Variants in MYOM1 observed in about 807,000 individuals in gnomAD.
MYOM1 encodes myomesin 1, also known as myomesin-1.
MYOM1 carries 164 observed loss-of-function variants against 205.3 expected under a neutral mutation model. That is an observed-to-expected ratio of 0.80 (90% CI 0.70 to 0.91). The LOEUF (loss-of-function observed/expected upper bound fraction) is 0.91. MYOM1 is among the 40% of genes least tolerant of loss of function. MYOM1 has a pLI of 0.00. For synonymous variants in MYOM1, 772 were observed against 789.4 expected (o/e 0.98, Z 0.37); for missense variants, 2,011 against 2,127.3 (o/e 0.95, Z 1.08).
intron 21 of MYOM1, among the ~76,000 whole-genome samples, chr18:3,113,809 C>A (rs1016234608): frequency 3.3e-5 from 5 of 152,142 alleles, no homozygotes; most frequent in Admixed American, 6.5e-5. Context: ...GTGATAGAGA[C>A]CAATATCCAA....
chr18:3,132,118 G>GTATATA (rs1555621173), intron 16 of MYOM1, among the ~76,000 whole-genome samples: 12,915 of 143,268 alleles, frequency 0.09, 684 homozygotes, highest in East Asian at 0.19. Context: ...ATATGTGTGT[G>GTATATA]TATATATATA....
At chr18:3,088,340 G>A (rs2143701605) in intron 29 of MYOM1, among the ~76,000 whole-genome samples, 1 of 152,306 alleles carries the variant, frequency 6.6e-6, no homozygotes, top group East Asian at 1.9e-4. Flanking sequence ...TTCAGCTGCT[G>A]CCAGAGAAAG....
At chr18:3,234,966 A>G in the MYOM1 span, among the ~76,000 whole-genome samples, 3 of 151,228 alleles carry the variant, frequency 2.0e-5, no homozygotes, top group Non-Finnish European at 4.4e-5. Flanking sequence ...TGGATTGCCC[A>G]GGCTGGTCTC....
intron 33 of MYOM1, among the ~76,000 whole-genome samples, chr18:3,082,063 C>G (rs1227810513): frequency 6.6e-6 from 1 of 152,222 alleles, no homozygotes; most frequent in Non-Finnish European, 1.5e-5. Flanking sequence ...AGCGCACAAC[C>G]TAGATCCCTC....
At chr18:3,081,284 T>C (rs2079083480) in intron 33 of MYOM1, among the ~76,000 whole-genome samples, 1 of 152,204 alleles carries the variant, frequency 6.6e-6, no homozygotes. Flanking sequence ...ATTGGTCCTA[T>C]TTTATATAAG....
intron 36 of MYOM1, 29 bp downstream of exon 36, chr18:3,075,425 T>C: frequency 6.2e-7 from 1 of 1,601,750 alleles, no homozygotes; most frequent in Non-Finnish European, 8.6e-7. Flanking sequence ...CAGGAGTACT[T>C]GTGAAAAGTA....
intron 10 of MYOM1, among the ~76,000 whole-genome samples, chr18:3,156,098 G>C (rs561309687): frequency 5.6e-4 from 85 of 152,312 alleles, no homozygotes; most frequent in African/African-American, 2.0e-3. Context: ...AGGAGGGAGA[G>C]AAGGGGGAAT....
chr18:3,092,835 CTCTT>C (rs1388907602), intron 26 of MYOM1, among the ~76,000 whole-genome samples: 2 of 152,208 alleles, frequency 1.3e-5, no homozygotes, highest in Non-Finnish European at 2.9e-5. Context: ...ACTTCAGACT[CTCTT>C]TCTAAGAAAC....
At chr18:3,190,149 G>A (rs2080883775) in intron 3 of MYOM1, among the ~76,000 whole-genome samples, 1 of 152,318 alleles carries the variant, frequency 6.6e-6, no homozygotes, top group Admixed American at 6.5e-5. Flanking sequence ...TACTGTGGCA[G>A]TTTATGATAG....
At position 3,090,727 on chromosome 18, in the gene MYOM1, C is replaced by T; in HGVS notation, c.3940G>A (p.Gly1314Arg). 6.2e-7 allele frequency: 1 copy of T among 1,613,848 alleles called. No individual in the cohort carries two copies. The highest frequency in any genetic ancestry group is 1.3e-5 in the African/African-American group (1 of 75,004). The change falls in exon 27 of 38, where the codon GGA (glycine) becomes AGA (arginine). Residue 1314 changes from glycine (G) to arginine (R), a missense_variant. Transcript: ENST00000356443. ...FMEKLQDEDE[G>R]TYTFQLQDGK... is the part of the protein sequence containing the mutation. ...TCTTGAAGCTGGAAAGTGTACGTTC[C>T]CTCATCCTCATCCTGTAGCTTTTCC...
At chr18:3,072,032 G>T (rs1263672715) in intron 36 of MYOM1, 143 bp from the exon 37 acceptor site, 3 of 702,930 alleles carry the variant, frequency 4.3e-6, no homozygotes, top group Admixed American at 5.3e-5. Context: ...TGCAAAAAAA[G>T]AAAATGATCC....
intron 19 of MYOM1, among the ~76,000 whole-genome samples, chr18:3,122,182 T>TG (rs1555619896): frequency 6.7e-6 from 1 of 148,678 alleles, no homozygotes; most frequent in South Asian, 2.1e-4. Flanking sequence ...AGATATTAGT[T>TG]TTTTTTTTTT....
intron 8 of MYOM1, among the ~76,000 whole-genome samples, chr18:3,171,549 G>A (rs1439338279): frequency 2.0e-5 from 3 of 152,028 alleles, no homozygotes; most frequent in Admixed American, 6.6e-5. Flanking sequence ...ACATCATTTC[G>A]TTGTCACGTC....
chr18:3,088,640 C>G (rs935953486), intron 29 of MYOM1, among the ~76,000 whole-genome samples: 19 of 152,162 alleles, frequency 1.2e-4, no homozygotes, highest in African/African-American at 4.6e-4. Flanking sequence ...TGCTAAAGTA[C>G]AAACTTGTTT....
At chr18:3,153,784 C>T (rs967261357) in intron 11 of MYOM1, among the ~76,000 whole-genome samples, 1 of 152,290 alleles carries the variant, frequency 6.6e-6, no homozygotes, top group Non-Finnish European at 1.5e-5. Flanking sequence ...GCTAATATGA[C>T]ACAGATTATC....
intron 17 of MYOM1, among the ~76,000 whole-genome samples, chr18:3,130,746 G>A (rs1598704984): frequency 1.3e-5 from 2 of 152,064 alleles, no homozygotes; most frequent in South Asian, 2.1e-4. Context: ...GTAAGCCCCC[G>A]TGCTCAGCCC....
intron 3 of MYOM1, among the ~76,000 whole-genome samples, chr18:3,192,415 T>A (rs538466007): frequency 1.2e-3 from 176 of 152,344 alleles, no homozygotes; most frequent in African/African-American, 4.1e-3. Flanking sequence ...CCCTTTACCT[T>A]CCTAATTGGG....
chr18:3,164,976 A>G (rs961226127), intron 9 of MYOM1, among the ~76,000 whole-genome samples: 1 of 152,178 alleles, frequency 6.6e-6, no homozygotes, highest in Non-Finnish European at 1.5e-5. Context: ...CAACATCAGT[A>G]ACTATTTATA....
At chr18:3,149,585 A>C (rs969592504) in intron 12 of MYOM1, among the ~76,000 whole-genome samples, 6 of 152,208 alleles carry the variant, frequency 3.9e-5, no homozygotes, top group Admixed American at 3.9e-4. Context: ...AACAATTGTA[A>C]GCCCAGTAGT....
Sources: gnomAD v4.1 joint callset for allele counts (sites outside exome capture counted in the v4.1 genomes callset) on GRCh38, gnomAD v4.1.1 for gene constraint, MANE v1.5 for transcripts, NCBI Gene and HGNC (gene_info 2026-07-23, HGNC 2026-07-21) for gene names.